The following CAMKMT variants were observed in gnomAD, a reference collection of about 807,000 sequenced individuals.
The protein encoded by CAMKMT is CaM KMT.
Under a neutral mutation model 48.0 loss-of-function variants are expected in CAMKMT, and 53 were observed. That is an observed-to-expected ratio of 1.10 (90% CI 0.89 to 1.39). CAMKMT has a LOEUF of 1.39. Among genes scored for constraint, CAMKMT ranks in the 40% most tolerant of loss-of-function variants. The pLI, the probability that CAMKMT is intolerant of heterozygous loss-of-function variation, is 0.00. For missense variants in CAMKMT, 428 were observed against 402.7 expected (o/e 1.06, Z -0.54); for synonymous variants, 165 against 152.3 (o/e 1.08, Z -0.61).
chr2:44,752,422 A>G (rs1680191958), intron 8 of CAMKMT, among the ~76,000 whole-genome samples: 2 of 152,152 alleles, frequency 1.3e-5, no homozygotes, highest in Non-Finnish European at 2.9e-5. Context: ...GTGCTCTAGC[A>G]ATGCCCAGGA....
chr2:44,410,357 A>T (rs1235394702), intron 3 of CAMKMT, among the ~76,000 whole-genome samples: 1 of 137,294 alleles, frequency 7.3e-6, no homozygotes, highest in Non-Finnish European at 1.5e-5. Context: ...CCAGGGGTTC[A>T]CCCCCTTCTC....
At chr2:44,707,541 G>A in intron 6 of CAMKMT, 79 bp downstream of exon 6, 1 of 1,202,228 alleles carries the variant, frequency 8.3e-7, no homozygotes, top group Non-Finnish European at 1.2e-6. Flanking sequence ...TATAAAGAAA[G>A]ACAGCATGGG....
intron 3 of CAMKMT, among the ~76,000 whole-genome samples, chr2:44,413,651 CAAA>C (rs201616176): frequency 3.9e-5 from 3 of 76,374 alleles, no homozygotes; most frequent in Non-Finnish European, 2.7e-5. Flanking sequence ...GACTCCGTCT[CAAA>C]AAAAAAAAAA....
At chr2:44,388,722 C>T (rs1386721197) in intron 2 of CAMKMT, among the ~76,000 whole-genome samples, 1 of 152,124 alleles carries the variant, frequency 6.6e-6, no homozygotes, top group Non-Finnish European at 1.5e-5. Context: ...GTACTCTCCC[C>T]GTTTTCCTAT....
At chr2:44,738,627 C>T (rs528789412) in intron 7 of CAMKMT, among the ~76,000 whole-genome samples, 1 of 152,272 alleles carries the variant, frequency 6.6e-6, no homozygotes, top group South Asian at 2.1e-4. Context: ...ATTGGAAATA[C>T]ATCACTGTAC....
chr2:44,620,468 A>G (rs185836795), intron 3 of CAMKMT, among the ~76,000 whole-genome samples: 3 of 152,342 alleles, frequency 2.0e-5, no homozygotes, highest in African/African-American at 7.2e-5. Context: ...AGAAAAATGC[A>G]TAACTGTTGA....
chr2:44,583,008 A>T (rs1669645796), intron 3 of CAMKMT, among the ~76,000 whole-genome samples: 1 of 152,152 alleles, frequency 6.6e-6, no homozygotes, highest in African/African-American at 2.4e-5. Flanking sequence ...GGAAATTCGA[A>T]TTGTTCTGAT....
chr2:44,666,831 A>G (rs1348117829), intron 3 of CAMKMT, among the ~76,000 whole-genome samples: 1 of 152,052 alleles, frequency 6.6e-6, no homozygotes, highest in East Asian at 1.9e-4. Flanking sequence ...GATGGTCTTG[A>G]TCTCCTGACC....
At chr2:44,590,452 T>G (rs1259486825) in intron 3 of CAMKMT, among the ~76,000 whole-genome samples, 1 of 152,174 alleles carries the variant, frequency 6.6e-6, no homozygotes, top group African/African-American at 2.4e-5. Flanking sequence ...TGCCATTCTA[T>G]CTGGCGTGAG....
At chr2:44,381,372 T>C (rs1680223853) in intron 2 of CAMKMT, among the ~76,000 whole-genome samples, 1 of 152,214 alleles carries the variant, frequency 6.6e-6, no homozygotes, top group South Asian at 2.1e-4. Flanking sequence ...CAAGTATTTA[T>C]TTCATCCTGA....
chr2:44,433,471 G>A (rs540955072), intron 3 of CAMKMT, among the ~76,000 whole-genome samples: 2 of 151,918 alleles, frequency 1.3e-5, no homozygotes, highest in Admixed American at 6.6e-5. Context: ...GTTTGTATAC[G>A]AAAAGATGTT....
chr2:44,372,253 G>A (rs1020176765), intron 1 of CAMKMT, among the ~76,000 whole-genome samples: 1 of 152,088 alleles, frequency 6.6e-6, no homozygotes, highest in Non-Finnish European at 1.5e-5. Context: ...GGGAGGCCAG[G>A]GTTGAAGATC....
chr2:44,467,804 G>A (rs1028349438), intron 3 of CAMKMT, among the ~76,000 whole-genome samples: 1 of 152,132 alleles, frequency 6.6e-6, no homozygotes, highest in South Asian at 2.1e-4. Flanking sequence ...ATATCCATAT[G>A]TAGAAGAATG....
At chr2:44,717,501 T>G (rs928388415) in intron 7 of CAMKMT, among the ~76,000 whole-genome samples, 1 of 152,174 alleles carries the variant, frequency 6.6e-6, no homozygotes, top group African/African-American at 2.4e-5. Flanking sequence ...CAGTACAATG[T>G]GATGAAAGTA....
intron 2 of CAMKMT, among the ~76,000 whole-genome samples, chr2:44,385,112 G>A (rs72875375): frequency 0.16 from 23,734 of 152,128 alleles, 3,511 homozygotes; most frequent in African/African-American, 0.39. Context: ...CTATCCATGA[G>A]CATGGGATGT....
rs1320740004 is a variant in CAMKMT at position 44,657,452 on chromosome 2, C to T, written c.377-46831C>T. 6.6e-6 allele frequency among the ~76,000 whole-genome samples: 1 copy of T among 152,148 alleles called. No individual in the cohort carries two copies. The highest frequency in any genetic ancestry group is 6.5e-5 in the Admixed American group (1 of 15,274). ...TCCACCCTCCCTATGAAAGGATTGG[C>T]AGATCAGAAATTTGGTTACATGTGC... On this transcript the variant is annotated intron_variant, in intron 3 of 10. Coordinates refer to ENST00000378494, the MANE Select transcript of CAMKMT (RefSeq NM_024766.5). This position sits in a 1 kb window ranked among gnomAD's most constrained non-coding sequence, Gnocchi z 4.3.
chr2:44,682,024 C>T (rs886335802), intron 3 of CAMKMT, among the ~76,000 whole-genome samples: 1 of 152,304 alleles, frequency 6.6e-6, no homozygotes, highest in Admixed American at 6.5e-5. Context: ...TTCTCTGCCC[C>T]TGAAAGGCAT....
Position 44,754,120 on chromosome 2 carries a change from T to A in CAMKMT, c.762+2T>A. ...ATAAAGAGATTACTCCAGCCCAGGG[T>A]AAGTATGTTTCTATTTTCTCCTGAA... On this transcript the variant is annotated splice_donor_variant, in intron 9 of 10. Coordinates refer to ENST00000378494, the MANE Select transcript of CAMKMT (RefSeq NM_024766.5). LOFTEE classifies it high-confidence loss of function. 6.2e-7 allele frequency: 1 copy of A among 1,611,930 alleles called. No homozygotes were observed. The highest frequency in any genetic ancestry group is 1.1e-5 in the South Asian group (1 of 91,018).
At chr2:44,730,507 G>C (rs1028031141) in intron 7 of CAMKMT, among the ~76,000 whole-genome samples, 1 of 152,198 alleles carries the variant, frequency 6.6e-6, no homozygotes, top group African/African-American at 2.4e-5. Context: ...ATCCACTGAG[G>C]CTTCAATAAC....
Sources: allele counts gnomAD v4.1 joint callset (sites outside exome capture counted in the v4.1 genomes callset), GRCh38; gene constraint gnomAD v4.1.1; non-coding constraint Gnocchi (gnomAD v3.1); transcripts MANE v1.5; gene names NCBI Gene and HGNC (gene_info 2026-07-23, HGNC 2026-07-21).